Variants in GRID1 observed in about 807,000 individuals in gnomAD.
The protein encoded by GRID1 is glutamate ionotropic receptor delta type subunit 1, also known as glutamate receptor ionotropic, delta-1.
In GRID1, 28 loss-of-function variants were observed where a neutral mutation model predicts 98.0. The ratio of observed to expected loss-of-function variants is 0.29; its 90% confidence interval spans 0.21 to 0.39. GRID1 has a LOEUF of 0.39. Ranked by LOEUF, GRID1 falls within the 10% of genes least tolerant of loss-of-function variation. The pLI is 1.00. For missense variants in GRID1, 1,111 were observed against 1,340.5 expected, an observed-to-expected ratio of 0.83 and a Z score of 2.67; for synonymous variants, 553 against 538.5, an observed-to-expected ratio of 1.03 and a Z score of -0.37.
At chr10:85,901,635 G>A (rs1382707937) in intron 5 of GRID1, among the ~76,000 whole-genome samples, 1 of 152,134 alleles carries the variant, frequency 6.6e-6, no homozygotes, top group African/African-American at 2.4e-5. Context: ...AGTCTACTGA[G>A]TAAATGATGA....
intron 8 of GRID1, among the ~76,000 whole-genome samples, chr10:85,750,093 C>T (rs1339247374): frequency 6.6e-6 from 1 of 152,144 alleles, no homozygotes; most frequent in Non-Finnish European, 1.5e-5. Context: ...AGAGCAGGCA[C>T]TCAATAAAAA....
chr10:85,808,906 A>G (rs1243736539), intron 8 of GRID1, among the ~76,000 whole-genome samples: 2 of 152,200 alleles, frequency 1.3e-5, no homozygotes, highest in South Asian at 4.1e-4. Context: ...AAGACCTTAA[A>G]AGGTAAAGAT....
At chr10:85,941,804 A>G (rs1291397461) in intron 4 of GRID1, among the ~76,000 whole-genome samples, 1 of 152,208 alleles carries the variant, frequency 6.6e-6, no homozygotes, top group African/African-American at 2.4e-5. Flanking sequence ...CCCAAGCCCC[A>G]TTCCACTTAG....
At chr10:85,777,968 C>A (rs1842347317) in intron 8 of GRID1, among the ~76,000 whole-genome samples, 1 of 152,154 alleles carries the variant, frequency 6.6e-6, no homozygotes, top group Non-Finnish European at 1.5e-5. Context: ...TGTACATGGT[C>A]TATCATCTCA....
intron 3 of GRID1, among the ~76,000 whole-genome samples, chr10:86,203,773 C>T (rs1433290482): frequency 6.6e-6 from 1 of 151,992 alleles, no homozygotes; most frequent in Admixed American, 6.6e-5. Flanking sequence ...CCGCTCACCT[C>T]CACCCTCCAG....
chr10:86,009,842 C>A (rs1842905160), intron 4 of GRID1, among the ~76,000 whole-genome samples: 1 of 152,090 alleles, frequency 6.6e-6, no homozygotes. Flanking sequence ...GAGAACTAAC[C>A]CAAAAAGATG....
At chr10:85,747,504 C>G (rs932125654) in intron 8 of GRID1, among the ~76,000 whole-genome samples, 8 of 152,212 alleles carry the variant, frequency 5.3e-5, no homozygotes, top group African/African-American at 1.9e-4. Context: ...ACCTAGAAAC[C>G]TCATAGGGCT....
chr10:86,210,992 G>A (rs1564707528), intron 2 of GRID1, among the ~76,000 whole-genome samples: 1 of 152,210 alleles, frequency 6.6e-6, no homozygotes, highest in Non-Finnish European at 1.5e-5. Context: ...TCACAAGCTG[G>A]GACTGTGGGT....
intron 4 of GRID1, among the ~76,000 whole-genome samples, chr10:86,067,719 C>T (rs1843740781): frequency 6.6e-6 from 1 of 152,328 alleles, no homozygotes; most frequent in South Asian, 2.1e-4. Flanking sequence ...CTATGCCCTC[C>T]AACTGGGGTG....
intron 8 of GRID1, among the ~76,000 whole-genome samples, chr10:85,843,708 G>C (rs1479325369): frequency 3.9e-5 from 6 of 152,016 alleles, no homozygotes; most frequent in Admixed American, 6.6e-5. Context: ...CAACACCACT[G>C]ACCATCAGTG....
intron 8 of GRID1, among the ~76,000 whole-genome samples, chr10:85,754,527 G>C (rs1590217735): frequency 6.6e-6 from 1 of 152,198 alleles, no homozygotes; most frequent in Non-Finnish European, 1.5e-5. Context: ...AAGAGAGTGA[G>C]ATATGATTAA....
intron 4 of GRID1, among the ~76,000 whole-genome samples, chr10:86,049,650 T>C (rs1843473058): frequency 6.6e-6 from 1 of 152,210 alleles, no homozygotes; most frequent in Admixed American, 6.5e-5. Flanking sequence ...CTAGATGACA[T>C]GCATTTTCCA....
At chr10:85,729,109 G>T (rs1450131189) in intron 9 of GRID1, among the ~76,000 whole-genome samples, 2 of 152,136 alleles carry the variant, frequency 1.3e-5, no homozygotes, top group Admixed American at 1.3e-4. Context: ...CCCATCACTG[G>T]TGTTGGGTGC....
chr10:86,254,392 C>T (rs935398348), intron 2 of GRID1, among the ~76,000 whole-genome samples: 9 of 152,234 alleles, frequency 5.9e-5, no homozygotes, highest in Non-Finnish European at 7.3e-5. Flanking sequence ...CTCCTGGGAA[C>T]TTGTTAGATT....
chr10:85,616,933 G>T (rs1186662706), intron 14 of GRID1, among the ~76,000 whole-genome samples: 1 of 152,128 alleles, frequency 6.6e-6, no homozygotes, highest in African/African-American at 2.4e-5. Flanking sequence ...TGCCCCAACT[G>T]CATGCTGTGG....
chr10:85,877,302 C>A (rs1207995679), intron 5 of GRID1, among the ~76,000 whole-genome samples: 1 of 152,238 alleles, frequency 6.6e-6, no homozygotes, highest in Non-Finnish European at 1.5e-5. Flanking sequence ...GGCAGACTGC[C>A]TCCTCAAGTG....
intron 3 of GRID1, among the ~76,000 whole-genome samples, chr10:86,180,053 G>A (rs1301989363): frequency 1.3e-5 from 2 of 152,214 alleles, no homozygotes. Context: ...CAGAAGCCAA[G>A]TCAAGAGTCT....
chr10:86,268,034 C>G (rs138441602), intron 2 of GRID1, among the ~76,000 whole-genome samples: 2 of 152,304 alleles, frequency 1.3e-5, no homozygotes, highest in South Asian at 4.1e-4. Context: ...TCATCTTACC[C>G]GGAGGCAAAC....
At chr10:85,921,743 A>T (rs1386986357) in intron 4 of GRID1, among the ~76,000 whole-genome samples, 2 of 152,196 alleles carry the variant, frequency 1.3e-5, no homozygotes, top group African/African-American at 4.8e-5. Context: ...AAGGAAGTAG[A>T]GAAGACAGTG....
Sources: gnomAD v4.1 joint callset for allele counts (sites outside exome capture counted in the v4.1 genomes callset) on GRCh38, gnomAD v4.1.1 for gene constraint, MANE v1.5 for transcripts, NCBI Gene and HGNC (gene_info 2026-07-23, HGNC 2026-07-21) for gene names.